SCEL: variants seen among roughly 807,000 people sequenced by gnomAD.
SCEL encodes sciellin.
Under a neutral mutation model 117.6 loss-of-function variants are expected in SCEL, and 113 were observed. The ratio of observed to expected loss-of-function variants is 0.96; its 90% CI spans 0.83 to 1.12. The LOEUF is 1.12. SCEL is among the 50% of genes most tolerant of loss of function. SCEL has a pLI of 0.00. For missense variants in SCEL, 785 were observed against 810.8 expected, an observed-to-expected ratio of 0.97 and a Z score of 0.39; for synonymous variants, 270 against 256.2, an observed-to-expected ratio of 1.05 and a Z score of -0.51.
intron 4 of SCEL, among the ~76,000 whole-genome samples, chr13:77,562,059 A>C (rs765478032): frequency 6.6e-6 from 1 of 152,192 alleles, no homozygotes; most frequent in Non-Finnish European, 1.5e-5. Flanking sequence ...TAAACATGTC[A>C]AATAAGGATG....
chr13:77,543,287 T>G (rs1027468542), intron 1 of SCEL, among the ~76,000 whole-genome samples: 1 of 151,362 alleles, frequency 6.6e-6, no homozygotes, highest in Non-Finnish European at 1.5e-5. Flanking sequence ...GTTTCACCGT[T>G]TTAGCCGGGA....
chr13:77,567,343 G>A (rs641691), intron 5 of SCEL, among the ~76,000 whole-genome samples: 141,263 of 152,186 alleles, frequency 0.93, 65,606 homozygotes, highest in South Asian at 0.96. Context: ...AGTTCCAGCT[G>A]CTCAGGAGGC....
intron 4 of SCEL, among the ~76,000 whole-genome samples, chr13:77,562,546 A>G (rs2085043956): frequency 1.3e-5 from 2 of 152,154 alleles, no homozygotes; most frequent in Non-Finnish European, 1.5e-5. Flanking sequence ...TCTGGTTTGT[A>G]TACCTAGAAA....
chr13:77,539,275 TA>T (rs1378102219), intron 1 of SCEL, among the ~76,000 whole-genome samples: 1 of 150,618 alleles, frequency 6.6e-6, no homozygotes, highest in African/African-American at 2.4e-5. Context: ...ATTATATACA[TA>T]TTTTATAATA....
chr13:77,573,267 C>T (rs1165142934), intron 9 of SCEL, among the ~76,000 whole-genome samples: 3 of 152,230 alleles, frequency 2.0e-5, no homozygotes, highest in Non-Finnish European at 2.9e-5. Context: ...GTTGTATAAT[C>T]GATATCATCA....
intron 10 of SCEL, among the ~76,000 whole-genome samples, chr13:77,589,905 C>T (rs1282389666): frequency 6.6e-6 from 1 of 152,138 alleles, no homozygotes. Flanking sequence ...CCATGTGTTA[C>T]ATTTAAACTG....
intron 9 of SCEL, among the ~76,000 whole-genome samples, chr13:77,576,364 T>C (rs1357700823): frequency 6.6e-6 from 1 of 152,146 alleles, no homozygotes; most frequent in Non-Finnish European, 1.5e-5. Context: ...TCTCAGCCCT[T>C]CTTACTTAGT....
chr13:77,636,996 T>C (rs922629184), intron 29 of SCEL, 124 bp from the exon 30 acceptor site: 2 of 490,780 alleles, frequency 4.1e-6, no homozygotes, highest in African/African-American at 4.2e-5. Flanking sequence ...CAGTACATCA[T>C]CCTGGCTTGT....
At chr13:77,633,442 C>CAAAAAAAAA (rs59939208) in intron 28 of SCEL, among the ~76,000 whole-genome samples, 2,014 of 29,898 alleles carry the variant, frequency 0.067, 221 homozygotes, top group East Asian at 0.23. Context: ...GACTCCGCCT[C>CAAAAAAAAA]AAAAAAAAAA....
chr13:77,596,145 A>C (rs113180540), intron 12 of SCEL, among the ~76,000 whole-genome samples: 20,261 of 152,054 alleles, frequency 0.13, 1,437 homozygotes, highest in Non-Finnish European at 0.15. Context: ...CCAGCTTGGC[A>C]AACATGGTGA....
intron 12 of SCEL, 108 bp from the exon 13 acceptor site, chr13:77,597,437 A>T (rs1296988753): frequency 1.6e-6 from 1 of 619,800 alleles, no homozygotes; most frequent in East Asian, 3.2e-5. Context: ...GCAGATGATA[A>T]AAGTGGGATG....
rs71102764 is a variant in SCEL, at chr13:77,612,456, C to CTTTTTTTT, written c.1338-413_1338-406dup. ...CAGAAAATAACTGCTTTTTTCTTTT[C>CTTTTTTTT]TTTTTTTTTTTTTTTTTTTTTTTTT... On this transcript the variant is annotated intron_variant, in intron 22 of 32. Coordinates refer to ENST00000349847, the MANE Select transcript of SCEL (RefSeq NM_144777.3). Among the ~76,000 whole-genome samples the CTTTTTTTT allele has an allele frequency of 1.1e-3, 106 of 93,582 alleles. 1 individual carries two copies. Among genetic ancestry groups the CTTTTTTTT allele is most frequent in the Non-Finnish European group, 1.7e-3 (77 of 46,582 alleles). The allele number at this position is 93,582 out of a possible 152,430, so 61.4% of individuals were successfully genotyped here.
chr13:77,630,063 GT>G (rs2089958254), intron 28 of SCEL, among the ~76,000 whole-genome samples: 1 of 152,122 alleles, frequency 6.6e-6, no homozygotes. Context: ...GGGAAAACAG[GT>G]TTTGGTTTCC....
At chr13:77,572,257 A>G in intron 9 of SCEL, 68 bp downstream of exon 9, 1 of 1,236,030 alleles carries the variant, frequency 8.1e-7, no homozygotes, top group East Asian at 2.4e-5. Context: ...CATTGACAAC[A>G]TATAATTGTG....
In SCEL at chr13:77,535,778, A is replaced by C. The variant is rs1249306685; in HGVS notation, c.-66A>C. On this transcript the variant is annotated 5_prime_UTR_variant, in exon 1 of 33. Coordinates refer to ENST00000349847, the MANE Select transcript of SCEL (RefSeq NM_144777.3). ...TTCAGCCAGATCCTCCCAGGGAATC[A>C]CTACAGGCTGGTTAGCCAAAAAGTC... 6 of 152,240 alleles carry C rather than the reference A, an allele frequency of 3.9e-5. No homozygotes were observed. In the East Asian group the frequency reaches 1.2e-3, roughly 29 times the overall value. The allele number at this position is 152,240 out of a possible 1,614,324, so 9.4% of individuals were successfully genotyped here. A position where few individuals can be genotyped will look rare whatever the true frequency, so the allele number is the denominator to read the frequency against.
Position 77,572,300 on chromosome 13 carries a change from G to T in SCEL, c.545+111G>T, listed in dbSNP as rs116942112. 4.6e-3 allele frequency: 3,864 copies of T among 836,022 alleles called. 17 individuals carry two copies. The highest frequency in any genetic ancestry group is 7.4e-3 in the Middle Eastern group (32 of 4,334). The allele number at this position is 836,022 out of a possible 1,614,324, so 51.8% of individuals were successfully genotyped here. On this transcript the variant is annotated intron_variant, in intron 9 of 32. Transcript: ENST00000349847. ...TGGGATAAATTGGAGGCAATCTCAT[G>T]AACTCTCAGCTCTGTACAGGAGAGT...
intron 4 of SCEL, among the ~76,000 whole-genome samples, chr13:77,562,601 C>T (rs1465275231): frequency 2.0e-5 from 3 of 152,220 alleles, no homozygotes; most frequent in Non-Finnish European, 2.9e-5. Flanking sequence ...ACCCAAACCT[C>T]TTTTATGGCA....
At chr13:77,631,698 G>A (rs1438141379) in intron 28 of SCEL, among the ~76,000 whole-genome samples, 1 of 152,184 alleles carries the variant, frequency 6.6e-6, no homozygotes, top group African/African-American at 2.4e-5. Flanking sequence ...ATCCATCAAA[G>A]AATTTGTTGT....
In SCEL at chr13:77,613,952, A is replaced by G. The variant is rs546313781; in HGVS notation, c.1448A>G (p.Asp483Gly). Residue 483 changes from aspartate to glycine, a missense_variant, in exon 24 of 33, where the codon GAT becomes GGT. Physicochemically the swap from Asp to Gly is moderately conservative, Grantham distance 94. Coordinates refer to ENST00000349847, the MANE Select transcript of SCEL (RefSeq NM_144777.3). The stretch of plus-strand genomic sequence containing the variant: ...AGCCCCAAAGCTGTCAAAAACACTG[A>G]TGGGTAAGAGATGGATGTGATTTTT... ...NVSPKAVKNTDGKQDLDKLIK... is the reference protein window; with the variant it reads ...NVSPKAVKNTGGKQDLDKLIK... The G allele has an allele frequency of 1.2e-6, 2 of 1,612,278 alleles. No individual in the cohort carries two copies. The highest frequency in any genetic ancestry group is 1.1e-5 in the South Asian group (1 of 91,000).
Sources: gnomAD v4.1 joint callset for allele counts (sites outside exome capture counted in the v4.1 genomes callset) on GRCh38, gnomAD v4.1.1 for gene constraint, MANE v1.5 for transcripts, NCBI Gene and HGNC (gene_info 2026-07-23, HGNC 2026-07-21) for gene names.